Variants in PNOC observed in about 807,000 individuals in gnomAD.
PNOC encodes nociceptin.
Under a neutral mutation model 15.6 loss-of-function variants are expected in PNOC, and 10 were observed. That is an observed-to-expected ratio of 0.64 (90% CI 0.40 to 1.09). The LOEUF (loss-of-function observed/expected upper bound fraction) is 1.09, where lower values mean the gene tolerates loss of function less well. PNOC is among the 50% of genes least tolerant of loss of function. PNOC has a pLI of 0.01. For synonymous variants in PNOC, 98 were observed against 88.5 expected, an observed-to-expected ratio of 1.11 and a Z score of -0.60; for missense variants, 220 against 223.9, an observed-to-expected ratio of 0.98 and a Z score of 0.11.
intron 3 of PNOC, among the ~76,000 whole-genome samples, chr8:28,340,627 T>C (rs1263436545): frequency 6.6e-6 from 1 of 152,242 alleles, no homozygotes; most frequent in Non-Finnish European, 1.5e-5. Flanking sequence ...AAGGAATACC[T>C]GAGGCTGGGT....
chr8:28,320,120 T>A (rs1801125770), intron 1 of PNOC, among the ~76,000 whole-genome samples: 1 of 125,630 alleles, frequency 8.0e-6, no homozygotes, highest in African/African-American at 3.3e-5. Context: ...TTTTTTTTTT[T>A]TCAAAATACT....
At chr8:28,336,594 G>T (rs574480441) in intron 2 of PNOC, among the ~76,000 whole-genome samples, 50 of 152,332 alleles carry the variant, frequency 3.3e-4, no homozygotes, top group African/African-American at 1.2e-3. Context: ...TAGATGGTGG[G>T]CTGGACCAGG....
Position 28,343,088 on chromosome 8 carries a change from C to T in PNOC, c.*194C>T. On this transcript the variant is annotated 3_prime_UTR_variant, in exon 4 of 4. Transcript: ENST00000301908. ...GAACCTTCCCGTCTGATTGTTCCTC[C>T]CCAGCCCCCTGGCATGTTTCACCAC... is the stretch of plus-strand genomic sequence containing the variant. The T allele has an allele frequency of 1.5e-6, 1 of 687,986 alleles. No homozygotes were observed. Among genetic ancestry groups the T allele is most frequent in the South Asian group, 6.5e-5 (1 of 15,502 alleles). 42.6% of individuals were successfully genotyped at this position (687,986 alleles called of 1,614,324 possible).
Position 28,339,452 on chromosome 8 carries a change from G to C in PNOC, c.*8G>C. 6.6e-7 allele frequency: 1 copy of C among 1,522,764 alleles called. No individual in the cohort carries two copies. The highest frequency in any genetic ancestry group is 1.3e-5 in the South Asian group (1 of 78,298). 94.3% of individuals were successfully genotyped at this position (1,522,764 alleles called of 1,614,324 possible). On this transcript the variant is annotated 3_prime_UTR_variant, in exon 3 of 4. Transcript: ENST00000301908. ...CAGAATGGTAATGTGTAGCCGGAAG[G>C]GGCGCTCCTCCCAGCTGTACCGGCC...
chr8:28,318,905 T>C (rs1172368906), intron 1 of PNOC, among the ~76,000 whole-genome samples: 1 of 152,194 alleles, frequency 6.6e-6, no homozygotes, highest in East Asian at 1.9e-4. Context: ...AAGGGAGTGA[T>C]TGCAGGATTA....
intron 2 of PNOC, among the ~76,000 whole-genome samples, chr8:28,337,594 T>TC (rs913298187): frequency 2.7e-5 from 4 of 148,980 alleles, no homozygotes; most frequent in African/African-American, 9.9e-5. Flanking sequence ...TTTTTTTTTT[T>TC]TTTTTTGAGA....
intron 1 of PNOC, among the ~76,000 whole-genome samples, chr8:28,320,800 G>A (rs1007578710): frequency 4.1e-5 from 6 of 145,888 alleles, no homozygotes; most frequent in African/African-American, 1.3e-4. Context: ...GCGGTGAGCC[G>A]AGATCACACC....
At position 28,342,354 on chromosome 8, in the gene PNOC, CAAAAAAAAAAA is replaced by C. The variant is rs34315819; in HGVS notation, c.*48-576_*48-566del. On this transcript the variant is annotated intron_variant, in intron 3 of 3. Transcript: ENST00000301908. Reference sequence around the variant, plus strand: ...GGGCAACAAGAAAGAAACCCCATCTCAAAAAAAAAAAAAAAAAAAAAAGAACACTATTCAGA... The same window carrying C: ...GGGCAACAAGAAAGAAACCCCATCTCAAAAAAAAAAAGAACACTATTCAGA... 6.6e-4 allele frequency among the ~76,000 whole-genome samples: 56 copies of C among 85,116 alleles called. 1 individual carries two copies. The highest frequency in any genetic ancestry group is 1.6e-3 in the African/African-American group (38 of 23,350). 55.8% of individuals were successfully genotyped at this position (85,116 alleles called of 152,430 possible).
At chr8:28,338,686 C>G (rs1801455983) in intron 2 of PNOC, 1 of 1,024,886 alleles carries the variant, frequency 9.8e-7, no homozygotes, top group Non-Finnish European at 1.2e-6. Flanking sequence ...CAGTCATGAG[C>G]TGTGCTTGGC....
intron 3 of PNOC, chr8:28,340,092 C>T (rs1801490314): frequency 6.6e-6 from 1 of 152,236 alleles, no homozygotes; most frequent in Non-Finnish European, 1.5e-5. Context: ...ATTTGTCCAT[C>T]CTGCCACCTT....
intron 2 of PNOC, among the ~76,000 whole-genome samples, chr8:28,333,312 C>A (rs972369993): frequency 6.6e-6 from 1 of 152,158 alleles, no homozygotes; most frequent in Non-Finnish European, 1.5e-5. Context: ...CCCCATAAGC[C>A]CAGCTTTACA....
In PNOC at chr8:28,339,405, C is replaced by T. The variant is rs980081528; in HGVS notation, c.492C>T (p.Ser164=). ...ACTTGGTCCTGAGCATGCAGTCCAG[C>T]CAGCGCCGGCGCACCCTGCACCAGA... The part of the protein sequence containing the change: ...RQYLVLSMQS[S]QRRRTLHQNG... The change falls in exon 3 of 4, where the codon AGC becomes AGT. Residue 164 remains serine, a synonymous_variant. Transcript: ENST00000301908. 3 of 1,553,170 alleles carry T rather than the reference C, an allele frequency of 1.9e-6. No homozygotes were observed. The highest frequency in any genetic ancestry group is 4.5e-5 in the East Asian group (2 of 44,088).
chr8:28,325,755 G>A (rs1368246388), intron 1 of PNOC, among the ~76,000 whole-genome samples: 2 of 151,860 alleles, frequency 1.3e-5, no homozygotes, highest in Non-Finnish European at 2.9e-5. Context: ...GCTATGCAAG[G>A]TTAGGTGCCA....
chr8:28,329,193 T>C lies in PNOC; in HGVS notation c.36T>C (p.Ser12=). The change falls in exon 2 of 4, where the codon AGT becomes AGC. Residue 12 remains serine, a synonymous_variant. Coordinates refer to ENST00000301908, the MANE Select transcript of PNOC (RefSeq NM_006228.5). Reference sequence around the variant, plus strand: ...TGCTTTGTGACCTGCTGCTGCTCAGTCTCTTCTCCAGTGTGTTCAGCAGTT... The same window carrying C: ...TGCTTTGTGACCTGCTGCTGCTCAGCCTCTTCTCCAGTGTGTTCAGCAGTT... ...KVLLCDLLLL[S]LFSSVFSSCQ... 1.9e-6 allele frequency: 3 copies of C among 1,613,968 alleles called. No individual in the cohort carries two copies. The highest frequency in any genetic ancestry group is 2.2e-5 in the East Asian group (1 of 44,882).
intron 2 of PNOC, among the ~76,000 whole-genome samples, chr8:28,330,105 C>T (rs765856592): frequency 2.0e-5 from 3 of 152,012 alleles, no homozygotes; most frequent in Non-Finnish European, 2.9e-5. Flanking sequence ...CACCACCACG[C>T]CCCGCTATTT....
intron 2 of PNOC, among the ~76,000 whole-genome samples, chr8:28,336,222 A>G (rs1236008521): frequency 3.3e-5 from 5 of 152,242 alleles, no homozygotes; most frequent in East Asian, 1.9e-4. Context: ...GAAGGAGAAG[A>G]TTCCTGCAAG....
intron 1 of PNOC, among the ~76,000 whole-genome samples, chr8:28,322,382 A>T (rs1801164713): frequency 6.6e-6 from 1 of 152,016 alleles, no homozygotes; most frequent in Non-Finnish European, 1.5e-5. Flanking sequence ...ACAGAGCGAG[A>T]CTCCATCTCC....
chr8:28,319,405 G>A (rs918192809), intron 1 of PNOC, among the ~76,000 whole-genome samples: 1 of 152,162 alleles, frequency 6.6e-6, no homozygotes, highest in Non-Finnish European at 1.5e-5. Context: ...GAATTCGGGA[G>A]AAGGAGCATT....
intron 2 of PNOC, among the ~76,000 whole-genome samples, chr8:28,333,360 T>C (rs1158768048): frequency 6.6e-6 from 1 of 152,188 alleles, no homozygotes; most frequent in East Asian, 1.9e-4. Context: ...CAGATGCCCA[T>C]ACGCATTCTG....
Sources: gnomAD v4.1 joint callset for allele counts (sites outside exome capture counted in the v4.1 genomes callset) on GRCh38, gnomAD v4.1.1 for gene constraint, MANE v1.5 for transcripts, NCBI Gene and HGNC (gene_info 2026-07-23, HGNC 2026-07-21) for gene names.